Variants in CNN2 observed in about 807,000 individuals in gnomAD.
The protein encoded by CNN2 is calponin 2.
CNN2 carries 21 observed loss-of-function variants against 31.0 expected under a neutral mutation model. That is an observed-to-expected ratio of 0.68 (90% CI 0.48 to 0.98). CNN2 has a LOEUF of 0.98. CNN2 is among the 50% of genes least tolerant of loss of function. CNN2 has a pLI of 0.00. For missense variants in CNN2, 399 were observed against 427.3 expected (o/e 0.93, Z 0.58); for synonymous variants, 165 against 179.6 (o/e 0.92, Z 0.65).
Position 1,032,695 on chromosome 19 carries a change from A to G in CNN2, c.389A>G (p.Lys130Arg), listed in dbSNP as rs1482745489. The G allele has an allele frequency of 1.2e-6, 2 of 1,608,472 alleles. No individual in the cohort carries two copies. The highest frequency in any genetic ancestry group is 2.2e-5 in the South Asian group (2 of 90,724). ...VQVSLLALAG[K>R]AKTKGLQSGV... Reference sequence around the variant, plus strand: ...GTGTCTCTTCTCGCCCTGGCGGGGAAGGTGAGGCCCAGAGAGGGGCAGCCA... The same window carrying G: ...GTGTCTCTTCTCGCCCTGGCGGGGAGGGTGAGGCCCAGAGAGGGGCAGCCA... The change falls in exon 4 of 7, where the codon AAG becomes AGG. Residue 130 changes from lysine to arginine, a missense_variant and splice_region_variant. By Grantham distance (26) the Lys-to-Arg change is conservative. Transcript: ENST00000263097.
chr19:1,032,040 C>T (rs1568172449), intron 2 of CNN2, among the ~76,000 whole-genome samples: 1 of 151,792 alleles, frequency 6.6e-6, no homozygotes, highest in Non-Finnish European at 1.5e-5. Flanking sequence ...CCAGCCTGGA[C>T]AACATGGTGA....
chr19:1,036,383 GC>G, intron 5 of CNN2, 32 bp from the exon 6 acceptor site: 1 of 1,606,524 alleles, frequency 6.2e-7, no homozygotes. Flanking sequence ...CTTGTTGGGT[GC>G]AGTCTGACCT....
At chr19:1,037,542 G>A in intron 6 of CNN2, 83 bp from the exon 7 acceptor site, 1 of 1,539,364 alleles carries the variant, frequency 6.5e-7, no homozygotes, top group Non-Finnish European at 8.8e-7. Flanking sequence ...AAAGTGCTGG[G>A]ATTACAGGCG....
intron 1 of CNN2, 40 bp from the exon 2 acceptor site, chr19:1,031,031 C>A: frequency 1.3e-6 from 2 of 1,575,950 alleles, no homozygotes; most frequent in Non-Finnish European, 1.7e-6. Flanking sequence ...GCTGGGGGTG[C>A]CCCCAGCCCA....
intron 1 of CNN2, among the ~76,000 whole-genome samples, chr19:1,030,651 C>G (rs7252428): frequency 0.74 from 112,171 of 151,990 alleles, 41,780 homozygotes; most frequent in African/African-American, 0.83. Flanking sequence ...GAAAAAAGAG[C>G]TGATGGTTGC....
intron 1 of CNN2, among the ~76,000 whole-genome samples, chr19:1,030,038 C>G (rs1202888027): frequency 1.3e-5 from 2 of 152,156 alleles, no homozygotes; most frequent in African/African-American, 4.8e-5. Flanking sequence ...TTATCTCCCG[C>G]TCCCGCTACA....
Position 1,032,378 on chromosome 19 carries a change from G to C in CNN2, c.186-14G>C. The C allele has an allele frequency of 5.0e-6, 8 of 1,613,306 alleles. No homozygotes were observed. Among genetic ancestry groups the C allele is most frequent in the African/African-American group, 2.7e-5 (2 of 75,010 alleles). On this transcript the variant is annotated splice_polypyrimidine_tract_variant and intron_variant, in intron 2 of 6. Coordinates refer to ENST00000263097, the MANE Select transcript of CNN2 (RefSeq NM_004368.4). ...GAGGTTTCTGTTTCCCCCGCCCCAT[G>C]TTGTGCCCTCCAGACTCATGAACAA... is the stretch of plus-strand genomic sequence containing the variant.
At chr19:1,033,620 G>A (rs1178434063) in intron 4 of CNN2, among the ~76,000 whole-genome samples, 2 of 151,976 alleles carry the variant, frequency 1.3e-5, no homozygotes, top group African/African-American at 4.8e-5. Flanking sequence ...GAGCGTGGGT[G>A]GGACAGTGGT....
Position 1,036,547 on chromosome 19 carries a change from C to A in CNN2, c.639C>A (p.Asn213Lys). ...HSTISLQMGT[N>K]KCASQVGMTA... ...CCATCAGCCTCCAGATGGGCACGAA[C>A]AAGTGTGCCAGCCAGGTGGGGCTCG... The change falls in exon 6 of 7, where the codon AAC (asparagine) becomes AAA (lysine). Residue 213 changes from asparagine (N) to lysine (K), a missense_variant. Asn to Lys is a moderately conservative substitution (Grantham distance 94). Coordinates refer to ENST00000263097, the MANE Select transcript of CNN2 (RefSeq NM_004368.4). The A allele has an allele frequency of 6.2e-7, 1 of 1,613,588 alleles. No homozygotes were observed. Among genetic ancestry groups the A allele is most frequent in the Non-Finnish European group, 8.5e-7 (1 of 1,179,698 alleles).
At chr19:1,036,362 G>A in intron 5 of CNN2, 54 bp from the exon 6 acceptor site, 1 of 1,595,488 alleles carries the variant, frequency 6.3e-7, no homozygotes. Context: ...ATTTCAGGGA[G>A]GGACCGGAAG....
At chr19:1,037,148 G>A (rs1168444836) in intron 6 of CNN2, 3 of 190,568 alleles carry the variant, frequency 1.6e-5, no homozygotes, top group Non-Finnish European at 3.4e-5. Flanking sequence ...GTGAGCCACC[G>A]CACCCGGCCA....
intron 1 of CNN2, among the ~76,000 whole-genome samples, chr19:1,029,856 C>T (rs1055801202): frequency 3.3e-5 from 5 of 152,026 alleles, no homozygotes; most frequent in South Asian, 2.1e-4. Context: ...CCCACCACCA[C>T]GCCCAGCTCA....
intron 1 of CNN2, among the ~76,000 whole-genome samples, chr19:1,030,039 TC>T (rs1277086987): frequency 1.6e-4 from 24 of 151,998 alleles, no homozygotes; most frequent in Admixed American, 1.6e-3. Flanking sequence ...TATCTCCCGC[TC>T]CCGCTACACG....
Position 1,031,130 on chromosome 19 carries a change from C to T in CNN2, c.123C>T (p.Leu41=), listed in dbSNP as rs1364275514. The change falls in exon 2 of 7, where the codon CTC becomes CTT. Residue 41 remains leucine, a synonymous_variant. Coordinates refer to ENST00000263097, the MANE Select transcript of CNN2 (RefSeq NM_004368.4). ...AGCTCCGCACCTGGATCGAGGGACT[C>T]ACCGGCCTCTCCATCGGCCCCGACT... ...EAELRTWIEG[L]TGLSIGPDFQ... 1 of 1,613,230 alleles carries T rather than the reference C, an allele frequency of 6.2e-7. No homozygotes were observed. The highest frequency in any genetic ancestry group is 1.3e-5 in the African/African-American group (1 of 74,932).
chr19:1,035,856 G>A (rs969946107), intron 4 of CNN2, among the ~76,000 whole-genome samples: 3 of 152,036 alleles, frequency 2.0e-5, no homozygotes, highest in Non-Finnish European at 4.4e-5. Context: ...TGGGAGGAGG[G>A]GGTTGCAGTG....
In CNN2 at chr19:1,038,919, C is replaced by G. The variant is rs890591608; in HGVS notation, c.*1019C>G. ...CCCCCAGCCCTCCTCCCTTCTGGGC[C>G]CGACCAGCTTATACTGCTCCATCTT... On this transcript the variant is annotated 3_prime_UTR_variant, in exon 7 of 7. Coordinates refer to ENST00000263097, the MANE Select transcript of CNN2 (RefSeq NM_004368.4). 1.3e-5 allele frequency: 2 copies of G among 152,344 alleles called. No homozygotes were observed. The allele number at this position is 152,344 out of a possible 1,614,324, so 9.4% of individuals were successfully genotyped here. A position where few individuals can be genotyped will look rare whatever the true frequency, so the allele number is the denominator to read the frequency against.
chr19:1,030,800 G>A, intron 1 of CNN2: 1 of 296,152 alleles, frequency 3.4e-6, no homozygotes, highest in East Asian at 6.9e-5. Context: ...CCTGCACCGG[G>A]AGTGGATTAG....
At chr19:1,030,193 C>G (rs1481468051) in intron 1 of CNN2, among the ~76,000 whole-genome samples, 1 of 152,144 alleles carries the variant, frequency 6.6e-6, no homozygotes, top group African/African-American at 2.4e-5. Flanking sequence ...CCATTCCCCA[C>G]GGCGGTGTCT....
chr19:1,026,718 G>C lies in CNN2; in HGVS notation c.57G>C (p.Lys19Asn), dbSNP rs2144610445. Residue 19 changes from lysine to asparagine, a missense_variant, in exon 1 of 7, where the codon AAG (lysine) becomes AAC (asparagine). Transcript: ENST00000263097. Reference sequence around the variant, plus strand: ...CGTACGGGCTGTCGGCCGAGGTCAAGAACCGGGTGAGTGAGGGGCGCCCCT... The same window carrying C: ...CGTACGGGCTGTCGGCCGAGGTCAACAACCGGGTGAGTGAGGGGCGCCCCT... ...GPSYGLSAEV[K>N]NRLLSKYDPQ... The C allele has an allele frequency of 6.4e-7, 1 of 1,550,892 alleles. No homozygotes were observed. Among genetic ancestry groups the C allele is most frequent in the East Asian group, 2.5e-5 (1 of 40,774 alleles).
Sources: allele counts gnomAD v4.1 joint callset (sites outside exome capture counted in the v4.1 genomes callset), GRCh38; gene constraint gnomAD v4.1.1; transcripts MANE v1.5; gene names NCBI Gene and HGNC (gene_info 2026-07-23, HGNC 2026-07-21).